Variants in PTPRN2 observed in about 807,000 individuals in gnomAD.
PTPRN2 encodes protein tyrosine phosphatase receptor type N2, also known as receptor-type tyrosine-protein phosphatase N2.
A neutral mutation model predicts 118.8 loss-of-function variants in PTPRN2; 74 were observed. The observed-to-expected ratio is 0.62, with a 90% CI of 0.52 to 0.76. The LOEUF is 0.76. Ranked by LOEUF, PTPRN2 falls within the 30% of genes least tolerant of loss-of-function variation. PTPRN2 has a pLI of 0.00. For missense variants in PTPRN2, 1,481 were observed against 1,394.4 expected (o/e 1.06, Z -0.99); for synonymous variants, 641 against 608.0 (o/e 1.05, Z -0.80).
At chr7:158,012,270 G>A (rs1806100823) in intron 11 of PTPRN2, among the ~76,000 whole-genome samples, 1 of 151,924 alleles carries the variant, frequency 6.6e-6, no homozygotes, top group East Asian at 1.9e-4. Flanking sequence ...GGGAATGAAG[G>A]GGGAACTGCC....
At chr7:158,061,925 C>T (rs1166504012) in intron 11 of PTPRN2, among the ~76,000 whole-genome samples, 1 of 152,264 alleles carries the variant, frequency 6.6e-6, no homozygotes. Flanking sequence ...GAACACAATC[C>T]AGTATGACAG....
intron 6 of PTPRN2, among the ~76,000 whole-genome samples, chr7:158,160,354 C>T (rs1032012648): frequency 5.3e-5 from 8 of 152,094 alleles, no homozygotes; most frequent in Non-Finnish European, 7.4e-5. Context: ...GTGAATTAGG[C>T]TCCCTCTGAG....
intron 2 of PTPRN2, among the ~76,000 whole-genome samples, chr7:158,476,264 A>T (rs1820253965): frequency 1.3e-5 from 2 of 152,224 alleles, no homozygotes; most frequent in Admixed American, 1.3e-4. Context: ...TTGGCCTCCC[A>T]CAGTGCTGGG....
intron 13 of PTPRN2, among the ~76,000 whole-genome samples, chr7:157,662,770 C>T (rs753542823): frequency 2.6e-5 from 4 of 152,180 alleles, no homozygotes; most frequent in Admixed American, 2.0e-4. Flanking sequence ...GCATCCATGC[C>T]GCGACTGCTT....
chr7:158,278,578 C>T (rs1799194917), intron 3 of PTPRN2, among the ~76,000 whole-genome samples: 1 of 152,244 alleles, frequency 6.6e-6, no homozygotes, highest in Non-Finnish European at 1.5e-5. Flanking sequence ...GAACCCACAA[C>T]TTCCTGATGT....
chr7:157,893,986 T>G lies in PTPRN2; in HGVS notation c.1788+4687A>C, dbSNP rs968962085. Among the ~76,000 whole-genome samples, 1 of 152,132 alleles carries G rather than the reference T, an allele frequency of 6.6e-6. No individual in the cohort carries two copies. Among genetic ancestry groups the G allele is most frequent in the Non-Finnish European group, 1.5e-5 (1 of 68,030 alleles). ...CAGAGGAAACAATGGGCCTTATTCC[T>G]CGATACACCTCCAGCTTCACCTGGA... On this transcript the variant is annotated intron_variant, in intron 12 of 22. Transcript: ENST00000389418. The surrounding 1 kb of genome is among the most constrained non-coding windows in gnomAD (Gnocchi z 4.0).
At position 158,517,374 on chromosome 7, in the gene PTPRN2, A is replaced by G. The variant is rs554925487; in HGVS notation, c.113-27589T>C. On this transcript the variant is annotated intron_variant, in intron 1 of 22. Coordinates refer to ENST00000389418, the MANE Select transcript of PTPRN2 (RefSeq NM_002847.5). The surrounding 1 kb of genome is among the most constrained non-coding windows in gnomAD (Gnocchi z 5.3). ...CCCACCACAGGCGCACTGTGGGCTGATGGGGTGGGCCACATATGGGGAATT... is the reference window on the plus strand; with the variant it reads ...CCCACCACAGGCGCACTGTGGGCTGGTGGGGTGGGCCACATATGGGGAATT... Among the ~76,000 whole-genome samples the G allele has an allele frequency of 6.6e-6, 1 of 152,112 alleles. No individual in the cohort carries two copies. Among genetic ancestry groups the G allele is most frequent in the Non-Finnish European group, 1.5e-5 (1 of 67,998 alleles).
chr7:158,344,513 G>A (rs1009330238), intron 2 of PTPRN2, among the ~76,000 whole-genome samples: 1 of 145,780 alleles, frequency 6.9e-6, no homozygotes, highest in African/African-American at 2.5e-5. Context: ...ATACTCGCCG[G>A]CATTTAATAC....
intron 5 of PTPRN2, among the ~76,000 whole-genome samples, chr7:158,176,012 A>G (rs1824169722): frequency 6.6e-6 from 1 of 150,876 alleles, no homozygotes; most frequent in South Asian, 2.1e-4. Context: ...TGCTGCTCTC[A>G]GCCCGCCCTG....
Position 158,319,825 on chromosome 7 carries a change from T to A in PTPRN2, c.164-2893A>T, listed in dbSNP as rs375740236. The stretch of plus-strand genomic sequence containing the variant: ...CACACACAGCCTCCCTCACACACAC[T>A]CAGTCTCCCTCACACACACACACAG... On this transcript the variant is annotated intron_variant, in intron 2 of 22. Coordinates refer to ENST00000389418, the MANE Select transcript of PTPRN2 (RefSeq NM_002847.5). 5.7e-3 allele frequency among the ~76,000 whole-genome samples: 21 copies of A among 3,712 alleles called. 6 individuals carry two copies. Among genetic ancestry groups the A allele is most frequent in the Middle Eastern group, 0.17 (2 of 12 alleles). The allele number at this position is 3,712 out of a possible 152,430, so 2.4% of individuals were successfully genotyped here. A position where few individuals can be genotyped will look rare whatever the true frequency, so the allele number is the denominator to read the frequency against.
intron 13 of PTPRN2, among the ~76,000 whole-genome samples, chr7:157,666,554 A>G (rs576857502): frequency 6.6e-6 from 1 of 151,830 alleles, no homozygotes; most frequent in Non-Finnish European, 1.5e-5. Flanking sequence ...TGGCAAAAAA[A>G]GCAAGCCAAG....
At chr7:158,487,703 CT>C (rs1044383226) in intron 2 of PTPRN2, among the ~76,000 whole-genome samples, 12 of 152,200 alleles carry the variant, frequency 7.9e-5, no homozygotes, top group Non-Finnish European at 1.5e-4. Context: ...TGCCGCACCC[CT>C]GGCCCGCCAG....
intron 11 of PTPRN2, among the ~76,000 whole-genome samples, chr7:157,982,614 C>T (rs1389236005): frequency 3.5e-4 from 51 of 144,674 alleles, no homozygotes; most frequent in Non-Finnish European, 6.0e-4. Context: ...CAGGGTCCCC[C>T]CTAAACCCCG....
chr7:157,915,311 G>A (rs1033810310), intron 11 of PTPRN2, among the ~76,000 whole-genome samples: 24 of 152,172 alleles, frequency 1.6e-4, no homozygotes, highest in African/African-American at 3.4e-4. Context: ...CTGGAGGCCC[G>A]TGCACCTGGG....
chr7:157,950,752 C>G (rs983668203), intron 11 of PTPRN2, among the ~76,000 whole-genome samples: 1 of 152,138 alleles, frequency 6.6e-6, no homozygotes, highest in African/African-American at 2.4e-5. Context: ...GTGAAAGCGC[C>G]TTCTTTCCAT....
At chr7:158,416,021 G>A (rs1814630338) in intron 2 of PTPRN2, among the ~76,000 whole-genome samples, 1 of 152,206 alleles carries the variant, frequency 6.6e-6, no homozygotes, top group Admixed American at 6.5e-5. Context: ...CTAAGTGTTA[G>A]GTTCTGGTTT....
At chr7:157,728,681 C>T (rs1214245291) in intron 12 of PTPRN2, among the ~76,000 whole-genome samples, 1 of 152,196 alleles carries the variant, frequency 6.6e-6, no homozygotes, top group Admixed American at 6.5e-5. Context: ...GCGGCTCCTT[C>T]CTTTGCCTGG....
At chr7:157,920,947 T>C (rs1378559787) in intron 11 of PTPRN2, among the ~76,000 whole-genome samples, 2 of 152,178 alleles carry the variant, frequency 1.3e-5, no homozygotes, top group Non-Finnish European at 2.9e-5. Flanking sequence ...AATATATTAT[T>C]AGTATATGAC....
intron 12 of PTPRN2, among the ~76,000 whole-genome samples, chr7:157,782,189 G>A (rs1054279386): frequency 2.0e-5 from 3 of 152,260 alleles, no homozygotes; most frequent in African/African-American, 7.2e-5. Context: ...GGCGGCCACA[G>A]AGGTGTGCAG....
Sources: allele counts gnomAD v4.1 joint callset (sites outside exome capture counted in the v4.1 genomes callset), GRCh38; gene constraint gnomAD v4.1.1; non-coding constraint Gnocchi (gnomAD v3.1); transcripts MANE v1.5; gene names NCBI Gene and HGNC (gene_info 2026-07-23, HGNC 2026-07-21).